Variants in FBXO11 observed in about 807,000 individuals in gnomAD.
FBXO11 encodes F-box only protein 11.
FBXO11 carries 13 observed loss-of-function variants against 117.0 expected under a neutral mutation model. The observed-to-expected ratio is 0.11, with a 90% CI of 0.07 to 0.18. The LOEUF (loss-of-function observed/expected upper bound fraction) is 0.18. Among genes scored for constraint, FBXO11 ranks in the 10% least tolerant of loss-of-function variants. FBXO11 has a pLI of 1.00. For missense variants in FBXO11, 767 were observed against 1,164.4 expected (o/e 0.66, Z 4.97); for synonymous variants, 490 against 380.5 (o/e 1.29, Z -3.35).
chr2:47,857,939 A>G (rs558702001), intron 1 of FBXO11, among the ~76,000 whole-genome samples: 5 of 147,806 alleles, frequency 3.4e-5, no homozygotes, highest in African/African-American at 1.2e-4. Context: ...ATGGGCAAAT[A>G]TATATATATA....
chr2:47,854,256 CTTT>C (rs772726905), intron 1 of FBXO11, among the ~76,000 whole-genome samples: 1 of 142,976 alleles, frequency 7.0e-6, no homozygotes, highest in Non-Finnish European at 1.5e-5. Flanking sequence ...GTCCCCAGGA[CTTT>C]TTTTTTTTTT....
chr2:47,861,832 T>C (rs570681444), intron 1 of FBXO11, among the ~76,000 whole-genome samples: 15 of 152,344 alleles, frequency 9.8e-5, no homozygotes, highest in African/African-American at 3.4e-4. Flanking sequence ...AAGGCCCATG[T>C]TGGCACAATG....
chr2:47,883,923 GAATT>G (rs1275621499), intron 1 of FBXO11: 6 of 158,132 alleles, frequency 3.8e-5, no homozygotes, highest in African/African-American at 1.4e-4. Context: ...AATTGTGTAT[GAATT>G]AATAAATTTT....
At chr2:47,854,182 C>T (rs1674093510) in intron 1 of FBXO11, among the ~76,000 whole-genome samples, 1 of 151,728 alleles carries the variant, frequency 6.6e-6, no homozygotes, top group Non-Finnish European at 1.5e-5. Flanking sequence ...TACTTAATGT[C>T]TCAGTTTAAG....
intron 1 of FBXO11, among the ~76,000 whole-genome samples, chr2:47,888,080 G>A (rs1018722093): frequency 7.3e-6 from 1 of 137,846 alleles, no homozygotes; most frequent in Admixed American, 7.2e-5. Context: ...ATTCACTTAA[G>A]GATTTCTAGG....
At chr2:47,876,273 A>G (rs566966652) in intron 1 of FBXO11, among the ~76,000 whole-genome samples, 1 of 152,330 alleles carries the variant, frequency 6.6e-6, no homozygotes, top group South Asian at 2.1e-4. Flanking sequence ...GTTATTGTCT[A>G]GAGTTTTGAT....
At chr2:47,875,908 GT>G (rs1327333874) in intron 1 of FBXO11, among the ~76,000 whole-genome samples, 5 of 152,020 alleles carry the variant, frequency 3.3e-5, no homozygotes, top group African/African-American at 4.8e-5. Flanking sequence ...GGTTACTCAG[GT>G]TAAAAAAGAA....
rs1670349432 is a variant in FBXO11 at position 47,808,071 on chromosome 2, T to G, written c.*47A>C. ...TAAATCTTCTTCCAAAAAAGTGTTT[T>G]AAGTTATGATGTTACAATGGCAGGA... On this transcript the variant is annotated 3_prime_UTR_variant, in exon 23 of 23. Transcript: ENST00000403359. The G allele has an allele frequency of 2.0e-6, 3 of 1,520,772 alleles. No individual in the cohort carries two copies. Among genetic ancestry groups the G allele is most frequent in the Admixed American group, 1.9e-5 (1 of 53,220 alleles). The allele number at this position is 1,520,772 out of a possible 1,614,324, so 94.2% of individuals were successfully genotyped here.
At chr2:47,884,390 C>T (rs952160918) in intron 1 of FBXO11, among the ~76,000 whole-genome samples, 3 of 152,206 alleles carry the variant, frequency 2.0e-5, no homozygotes, top group African/African-American at 7.2e-5. Context: ...TGAACTTCAA[C>T]ATGAACCCCT....
intron 10 of FBXO11, 21 bp downstream of exon 10, chr2:47,832,551 C>T (rs375388119): frequency 1.2e-6 from 2 of 1,606,832 alleles, no homozygotes; most frequent in South Asian, 2.2e-5. Flanking sequence ...AAGAAAAAAA[C>T]CACACAAAAT....
At chr2:47,870,458 C>T (rs1380005251) in intron 1 of FBXO11, among the ~76,000 whole-genome samples, 2 of 152,078 alleles carry the variant, frequency 1.3e-5, no homozygotes, top group East Asian at 3.9e-4. Context: ...GGGCCTAATT[C>T]AATAGGACTA....
At chr2:47,861,379 C>T (rs1156804410) in intron 1 of FBXO11, among the ~76,000 whole-genome samples, 1 of 147,954 alleles carries the variant, frequency 6.8e-6, no homozygotes, top group African/African-American at 2.5e-5. Flanking sequence ...AGTGCAGTGG[C>T]ACAATCATGG....
intron 4 of FBXO11, chr2:47,836,909 A>ATT: frequency 5.5e-6 from 2 of 362,086 alleles, no homozygotes; most frequent in Non-Finnish European, 1.1e-5. Context: ...TTATTTTTTG[A>ATT]TTTTTTTTTG....
intron 1 of FBXO11, among the ~76,000 whole-genome samples, chr2:47,857,155 T>C (rs1674361644): frequency 6.6e-6 from 1 of 152,220 alleles, no homozygotes; most frequent in East Asian, 1.9e-4. Flanking sequence ...TTTCCAAGTC[T>C]GCATACCTAA....
At chr2:47,819,277 C>G (rs1490326016) in intron 14 of FBXO11, among the ~76,000 whole-genome samples, 199 bp from the exon 15 acceptor site, 1 of 152,066 alleles carries the variant, frequency 6.6e-6, no homozygotes, top group African/African-American at 2.4e-5. Flanking sequence ...AGTACAGTGG[C>G]GCGATCTTGG....
At chr2:47,833,946 G>T (rs1672364983) in intron 7 of FBXO11, among the ~76,000 whole-genome samples, 4 of 152,018 alleles carry the variant, frequency 2.6e-5, no homozygotes, top group Admixed American at 6.6e-5. Flanking sequence ...GGGTTTACAG[G>T]TGTGAGCCAC....
At chr2:47,809,439 A>G (rs1476695850) in intron 20 of FBXO11, 161 bp downstream of exon 20, 1 of 689,658 alleles carries the variant, frequency 1.4e-6, no homozygotes, top group African/African-American at 1.8e-5. Context: ...CTTGTATAAG[A>G]TACTCCAACC....
chr2:47,896,137 CTTT>C (rs760380677), intron 1 of FBXO11, among the ~76,000 whole-genome samples: 4 of 152,140 alleles, frequency 2.6e-5, no homozygotes, highest in African/African-American at 7.2e-5. Flanking sequence ...CAAAATTAGT[CTTT>C]TGAGTATTTT....
At chr2:47,855,375 G>T (rs1309897977) in intron 1 of FBXO11, among the ~76,000 whole-genome samples, 1 of 151,954 alleles carries the variant, frequency 6.6e-6, no homozygotes, top group African/African-American at 2.4e-5. Flanking sequence ...CAGAGATGGG[G>T]TCTCACCATG....
Sources: gnomAD v4.1 joint callset for allele counts (sites outside exome capture counted in the v4.1 genomes callset) on GRCh38, gnomAD v4.1.1 for gene constraint, MANE v1.5 for transcripts, NCBI Gene and HGNC (gene_info 2026-07-23, HGNC 2026-07-21) for gene names.